Variants in DNAH14 observed in about 807,000 individuals in gnomAD.
The protein encoded by DNAH14 is axonemal beta dynein heavy chain 14.
In DNAH14, 478 loss-of-function variants were observed where a neutral mutation model predicts 520.9. The ratio of observed to expected loss-of-function variants is 0.92; its 90% confidence interval spans 0.85 to 0.99. The LOEUF is 0.99. DNAH14 is among the 50% of genes least tolerant of loss of function. DNAH14 has a pLI of 0.00. For missense variants in DNAH14, 4,831 were observed against 5,234.5 expected (o/e 0.92, Z 2.38); for synonymous variants, 1,581 against 1,757.2 (o/e 0.90, Z 2.51).
At chr1:225,345,458 A>T (rs2095272126) in intron 69 of DNAH14, among the ~76,000 whole-genome samples, 1 of 152,234 alleles carries the variant, frequency 6.6e-6, no homozygotes, top group South Asian at 2.1e-4. Context: ...TACTTTCTAG[A>T]GAAGTGCTTT....
At chr1:225,140,262 C>G (rs1431647814) in intron 27 of DNAH14, among the ~76,000 whole-genome samples, 1 of 152,206 alleles carries the variant, frequency 6.6e-6, no homozygotes, top group Non-Finnish European at 1.5e-5. Context: ...ATGTATCCCC[C>G]TCTTTTAACT....
chr1:225,177,075 C>T (rs1050932352), intron 36 of DNAH14, among the ~76,000 whole-genome samples: 3 of 152,056 alleles, frequency 2.0e-5, no homozygotes, highest in South Asian at 4.1e-4. Flanking sequence ...GATCAAAAGC[C>T]TGATAGCAAT....
chr1:224,960,451 C>A, intron 4 of DNAH14, 149 bp downstream of exon 4: 1 of 876,914 alleles, frequency 1.1e-6, no homozygotes, highest in African/African-American at 1.7e-5. Context: ...TATTACAATG[C>A]TTTTAAAATT....
intron 8 of DNAH14, among the ~76,000 whole-genome samples, chr1:224,981,787 C>A (rs539308836): frequency 6.6e-6 from 1 of 152,014 alleles, no homozygotes; most frequent in African/African-American, 2.4e-5. Flanking sequence ...GTTTCACTTT[C>A]GTTTAGTTCT....
chr1:224,936,367 T>A (rs1425925399), intron 1 of DNAH14, among the ~76,000 whole-genome samples: 1 of 148,626 alleles, frequency 6.7e-6, no homozygotes, highest in East Asian at 1.9e-4. Context: ...ATAAACAAAA[T>A]CAGAAATGAA....
chr1:225,064,523 C>A (rs2070601112), intron 17 of DNAH14, among the ~76,000 whole-genome samples: 1 of 151,564 alleles, frequency 6.6e-6, no homozygotes, highest in Non-Finnish European at 1.5e-5. Context: ...AAGTGTATAT[C>A]AATAGGTGAA....
chr1:225,252,190 CTTA>C, intron 43 of DNAH14, 108 bp from the exon 44 acceptor site: 1 of 709,090 alleles, frequency 1.4e-6, no homozygotes, highest in Non-Finnish European at 2.5e-6. Context: ...TTGGTGAATA[CTTA>C]TTATTTCTTG....
At chr1:225,348,796 G>C (rs1182771968) in intron 71 of DNAH14, among the ~76,000 whole-genome samples, 1 of 152,168 alleles carries the variant, frequency 6.6e-6, no homozygotes, top group African/African-American at 2.4e-5. Context: ...AGGTTCTTCA[G>C]AAAAGGTAAA....
chr1:225,251,466 G>A (rs556777319), intron 43 of DNAH14, among the ~76,000 whole-genome samples: 47 of 152,190 alleles, frequency 3.1e-4, no homozygotes, highest in Middle Eastern at 3.4e-3. Flanking sequence ...AAGCCACCAC[G>A]CCTGGTCTAA....
intron 33 of DNAH14, 100 bp downstream of exon 33, chr1:225,152,983 C>T (rs1202835459): frequency 2.5e-6 from 3 of 1,181,288 alleles, no homozygotes; most frequent in South Asian, 1.6e-5. Flanking sequence ...TGGGACTGTA[C>T]CAAATAATGG....
intron 23 of DNAH14, among the ~76,000 whole-genome samples, chr1:225,114,967 T>G (rs2076761002): frequency 6.6e-6 from 1 of 152,208 alleles, no homozygotes. Context: ...TGAAGATGCT[T>G]TTTTCATAGA....
intron 8 of DNAH14, among the ~76,000 whole-genome samples, chr1:224,982,299 G>A (rs1322189457): frequency 6.6e-6 from 1 of 152,182 alleles, no homozygotes; most frequent in Non-Finnish European, 1.5e-5. Context: ...TTGGTGTGCA[G>A]GCAGTCTGAC....
chr1:225,193,906 G>A (rs1188178770), intron 38 of DNAH14, among the ~76,000 whole-genome samples: 1 of 151,994 alleles, frequency 6.6e-6, no homozygotes, highest in African/African-American at 2.4e-5. Flanking sequence ...CACCAATAAT[G>A]TCCAAGCTGA....
intron 41 of DNAH14, among the ~76,000 whole-genome samples, chr1:225,211,873 AATTTATTTATTT>A (rs201563428): frequency 1.2e-3 from 181 of 147,260 alleles, no homozygotes; most frequent in Admixed American, 4.2e-3. Context: ...TTCAACCCAG[AATTTATTTATTT>A]ATTTATTTAT....
At chr1:225,061,298 T>C (rs1201747371) in intron 17 of DNAH14, among the ~76,000 whole-genome samples, 5 of 152,322 alleles carry the variant, frequency 3.3e-5, no homozygotes. Context: ...TCCGTGGGCG[T>C]AGGACCCTCT....
At chr1:225,155,896 G>T (rs2080990567) in intron 34 of DNAH14, among the ~76,000 whole-genome samples, 1 of 152,106 alleles carries the variant, frequency 6.6e-6, no homozygotes, top group Non-Finnish European at 1.5e-5. Flanking sequence ...GAGGGTTGAT[G>T]AATTTTTTGT....
In DNAH14 at chr1:224,929,677, C is replaced by T. The variant is rs1291078668; in HGVS notation, c.-192C>T. The stretch of plus-strand genomic sequence containing the variant: ...CCAGGGCGCAGGCGTGGCTCTTGGT[C>T]AGGCGGTTACGGCCAGGAGGCGTCG... On this transcript the variant is annotated 5_prime_UTR_variant, in exon 1 of 86. Coordinates refer to ENST00000682510, the MANE Select transcript of DNAH14 (RefSeq NM_001367479.1). 1 of 702,462 alleles carries T rather than the reference C, an allele frequency of 1.4e-6. No individual in the cohort carries two copies. The highest frequency in any genetic ancestry group is 2.7e-5 in the East Asian group (1 of 37,278). 43.5% of individuals were successfully genotyped at this position (702,462 alleles called of 1,614,324 possible). A position where few individuals can be genotyped will look rare whatever the true frequency, so the allele number is the denominator to read the frequency against.
intron 10 of DNAH14, among the ~76,000 whole-genome samples, chr1:225,017,979 G>GT (rs2147976230): frequency 6.6e-6 from 1 of 152,348 alleles, no homozygotes; most frequent in South Asian, 2.1e-4. Context: ...AACAGACAGT[G>GT]TAAGAACTCT....
intron 52 of DNAH14, among the ~76,000 whole-genome samples, chr1:225,273,769 T>C (rs1382366638): frequency 6.6e-6 from 1 of 152,178 alleles, no homozygotes; most frequent in Non-Finnish European, 1.5e-5. Context: ...TGTCTTTTAA[T>C]CTAGGTCACA....
Sources: gnomAD v4.1 joint callset for allele counts (sites outside exome capture counted in the v4.1 genomes callset) on GRCh38, gnomAD v4.1.1 for gene constraint, MANE v1.5 for transcripts, NCBI Gene and HGNC (gene_info 2026-07-23, HGNC 2026-07-21) for gene names.